The following GMIP variants were observed in gnomAD, a reference collection of about 807,000 sequenced individuals.
The protein encoded by GMIP is GEM-interacting protein.
GMIP carries 54 observed loss-of-function variants against 105.3 expected under a neutral mutation model. The observed-to-expected ratio is 0.51, with a 90% confidence interval of 0.41 to 0.64. The LOEUF (loss-of-function observed/expected upper bound fraction) is 0.64. Among genes scored for constraint, GMIP ranks in the 30% least tolerant of loss-of-function variants. The pLI is 0.00. For missense variants in GMIP, 1,110 were observed against 1,319.4 expected (o/e 0.84, Z 2.46); for synonymous variants, 541 against 560.8 (o/e 0.96, Z 0.50).
At position 19,638,009 on chromosome 19, in the gene GMIP, C is replaced by G; in HGVS notation, c.838G>C (p.Ala280Pro). 6.2e-7 allele frequency: 1 copy of G among 1,608,458 alleles called. No individual in the cohort carries two copies. Among genetic ancestry groups the G allele is most frequent in the Non-Finnish European group, 8.5e-7 (1 of 1,178,116 alleles). ...LYQACVREAN[A>P]RQQDLEIAKQ... ...GCGATCTCCAGGTCCTGCTGCCGCG[C>G]GTTGGCCTCGCGGACACAGGCCTGG... Residue 280 changes from alanine to proline, a missense_variant, in exon 10 of 21, where the codon GCG becomes CCG. Ala to Pro is a conservative substitution (Grantham distance 27). Transcript: ENST00000203556.
Position 19,634,842 on chromosome 19 carries a change from C to G in GMIP, c.1837G>C (p.Gly613Arg). 1.2e-6 allele frequency: 2 copies of G among 1,613,944 alleles called. No individual in the cohort carries two copies. The highest frequency in any genetic ancestry group is 2.2e-5 in the South Asian group (2 of 91,088). Residue 613 changes from glycine (G) to arginine (R), a missense_variant, in exon 17 of 21, where the codon GGG becomes CGG. Physicochemically the swap from Gly to Arg is moderately radical, Grantham distance 125. Transcript: ENST00000203556. This position sits in a 1 kb window ranked among gnomAD's most constrained non-coding sequence, Gnocchi z 6.1. Reference protein sequence around the residue: ...ENGRALVELSGNSPHDVSSVL... With the variant: ...ENGRALVELSRNSPHDVSSVL... ...CTCGAGACGTCATGAGGCGAGTTCC[C>G]CGACAGCTCCACCAACGCTCGGCCA...
rs530649796 is a variant in GMIP, at chr19:19,639,199, A to G, written c.538-717T>C. Among the ~76,000 whole-genome samples, 12 of 151,902 alleles carry G rather than the reference A, an allele frequency of 7.9e-5. No homozygotes were observed. The South Asian group carries it at 2.3e-3, about 29-fold the overall frequency. ...AATCCTCCACCCTCAGCCTCCTAGT[A>G]GCTAGCACTGCAGACATGTGCACCA... On this transcript the variant is annotated intron_variant, in intron 7 of 20. Transcript: ENST00000203556.
At chr19:19,636,222 G>GAAAGA (rs1329757301) in intron 13 of GMIP, among the ~76,000 whole-genome samples, 1 of 142,558 alleles carries the variant, frequency 7.0e-6, no homozygotes, top group African/African-American at 2.6e-5. Context: ...AAAAAAGAAA[G>GAAAGA]AAAGAAAAGA....
rs1466454290 is a variant in GMIP, at chr19:19,630,510, C to T, written c.2500G>A (p.Glu834Lys). The stretch of plus-strand genomic sequence containing the variant: ...TCTTTGGTGTCTTCAGCCACGTCCT[C>T]TCTCTGGTCACTCTGTGGAGTTGGA... ...EIPTPQSDQR[E>K]DVAEDTKDGG... The change falls in exon 20 of 21, where the codon GAG becomes AAG. Residue 834 changes from glutamate to lysine, a missense_variant. Glu to Lys is a moderately conservative substitution (Grantham distance 56). Transcript: ENST00000203556. The surrounding 1 kb of genome is among the most constrained non-coding windows in gnomAD (Gnocchi z 4.8). 1 of 1,614,146 alleles carries T rather than the reference C, an allele frequency of 6.2e-7. No homozygotes were observed. The highest frequency in any genetic ancestry group is 8.5e-7 in the Non-Finnish European group (1 of 1,179,984).
At chr19:19,642,982 T>C (rs2061939196) in intron 1 of GMIP, 2 of 214,380 alleles carry the variant, frequency 9.3e-6, no homozygotes, top group Non-Finnish European at 1.9e-5. Context: ...AGGCAGAGCC[T>C]GGGGCAGAAA....
At position 19,636,748 on chromosome 19, in the gene GMIP, C is replaced by T; in HGVS notation, c.1286G>A (p.Gly429Asp). The T allele has an allele frequency of 6.2e-7, 1 of 1,613,516 alleles. No homozygotes were observed. The highest frequency in any genetic ancestry group is 2.2e-5 in the East Asian group (1 of 44,856). The part of the protein sequence containing the change: ...PGSDVDSVGG[G>D]SESRSLDSPT... ...TGAGTCCAGGGACCGAGACTCGCTG[C>T]CGCCACCCACGCTGTCCACATCGCT... Residue 429 changes from glycine (G) to aspartate (D), a missense_variant, in exon 13 of 21, where the codon GGC (glycine) becomes GAC (aspartate). By Grantham distance (94) the Gly-to-Asp change is moderately conservative. Transcript: ENST00000203556.
Position 19,634,053 on chromosome 19 carries a change from T to C in GMIP, c.2222A>G (p.His741Arg). Residue 741 changes from histidine to arginine, a missense_variant, in exon 19 of 21, where the codon CAT becomes CGT. Physicochemically the swap from His to Arg is conservative, Grantham distance 29 (BLOSUM62 0). This residue lies in a region of GMIP where 394 missense variants were observed against 450.5 expected (regional missense o/e 0.87). Coordinates refer to ENST00000203556, the MANE Select transcript of GMIP (RefSeq NM_016573.4). The surrounding 1 kb of genome is among the most constrained non-coding windows in gnomAD (Gnocchi z 6.1). ...GAGGAACTCCACAAGCTGGGCCTGATGCCCAGAGTCCAGCAGGCAGGTGAC... is the reference window on the plus strand; with the variant it reads ...GAGGAACTCCACAAGCTGGGCCTGACGCCCAGAGTCCAGCAGGCAGGTGAC... ...IPVTCLLDSG[H>R]QAQLVEFLIV... 6.2e-7 allele frequency: 1 copy of C among 1,613,574 alleles called. No homozygotes were observed. The highest frequency in any genetic ancestry group is 8.5e-7 in the Non-Finnish European group (1 of 1,179,850).
rs2061773980 is a variant in GMIP, at chr19:19,629,903, GGGAT to G, written c.*56_*59del. 5 of 1,507,806 alleles carry G rather than the reference GGGAT, an allele frequency of 3.3e-6. No individual in the cohort carries two copies. The highest frequency in any genetic ancestry group is 2.0e-5 in the Admixed American group (1 of 50,068). 93.4% of individuals were successfully genotyped at this position (1,507,806 alleles called of 1,614,324 possible). A position where few individuals can be genotyped will look rare whatever the true frequency, so the allele number is the denominator to read the frequency against. On this transcript the variant is annotated 3_prime_UTR_variant, in exon 21 of 21. Coordinates refer to ENST00000203556, the MANE Select transcript of GMIP (RefSeq NM_016573.4). The stretch of plus-strand genomic sequence containing the variant: ...TTTGGCCACTAGGTGGTGGGAGGTA[GGGAT>G]ATATGGGTCCGTCTTCACAATCTGG...
chr19:19,642,752 T>G, intron 1 of GMIP, 133 bp from the exon 2 acceptor site: 1 of 509,260 alleles, frequency 2.0e-6, no homozygotes, highest in Non-Finnish European at 3.6e-6. Flanking sequence ...TGGGGGGGGC[T>G]TGGTTGGGGC....
rs576930168 is a variant in GMIP at position 19,642,611 on chromosome 19, G to A, written c.28C>T (p.Pro10Ser). 6.3e-7 allele frequency: 1 copy of A among 1,591,202 alleles called. No individual in the cohort carries two copies. The highest frequency in any genetic ancestry group is 8.6e-7 in the Non-Finnish European group (1 of 1,160,308). Residue 10 changes from proline (P) to serine (S), a missense_variant, in exon 2 of 21, where the codon CCA becomes TCA. Pro to Ser is a moderately conservative substitution (Grantham distance 74, BLOSUM62 -1). Around this residue, in one of 3 missense-constraint regions of GMIP, gnomAD observed 667 missense variants for 773.2 expected, o/e 0.86. Transcript: ENST00000203556. MDAAEPGLP[P>S]GPEGRKRYSD... ...TACCTCTTCCTGCCCTCAGGACCTG[G>A]GGGGAGTCCTAGGGGAGGGGAGTGT...
Position 19,637,667 on chromosome 19 carries a change from G to C in GMIP, c.928-106C>G. The C allele has an allele frequency of 1.0e-6, 1 of 994,788 alleles. No homozygotes were observed. The highest frequency in any genetic ancestry group is 1.7e-5 in the South Asian group (1 of 58,342). The allele number at this position is 994,788 out of a possible 1,614,324, so 61.6% of individuals were successfully genotyped here. On this transcript the variant is annotated intron_variant, in intron 10 of 20. Coordinates refer to ENST00000203556, the MANE Select transcript of GMIP (RefSeq NM_016573.4). This position sits in a 1 kb window ranked among gnomAD's most constrained non-coding sequence, Gnocchi z 6.7. ...GAGACGCGAACGTGGTCAGGGTTTG[G>C]GACGCACCTGGGCGGCTTAGGAACT... is the stretch of plus-strand genomic sequence containing the variant.
chr19:19,634,211 A>T lies in GMIP; in HGVS notation c.2085-21T>A, dbSNP rs2061826655. 1 of 1,568,974 alleles carries T rather than the reference A, an allele frequency of 6.4e-7. No individual in the cohort carries two copies. Reference sequence around the variant, plus strand: ...CCACCCTGGGGATGGTGTGAAGAGAAAGGTCAGGGTACAGGATGCAAGCTC... The same window carrying T: ...CCACCCTGGGGATGGTGTGAAGAGATAGGTCAGGGTACAGGATGCAAGCTC... On this transcript the variant is annotated intron_variant, in intron 18 of 20. Transcript: ENST00000203556. The surrounding 1 kb of genome is among the most constrained non-coding windows in gnomAD (Gnocchi z 6.1).
rs1465145523 is a variant in GMIP, at chr19:19,630,231, T to C, written c.2645A>G (p.His882Arg). ...YPRGGVRPVTHQLSSLALVAS... is the reference protein window; with the variant it reads ...YPRGGVRPVTRQLSSLALVAS... ...CACCAGGGCCAGACTGGACAGCTGGTGGGTTACAGGCCTCACACCGCCCCG... is the reference window on the plus strand; with the variant it reads ...CACCAGGGCCAGACTGGACAGCTGGCGGGTTACAGGCCTCACACCGCCCCG... The change falls in exon 21 of 21, where the codon CAC (histidine) becomes CGC (arginine). Residue 882 changes from histidine (H) to arginine (R), a missense_variant. Coordinates refer to ENST00000203556, the MANE Select transcript of GMIP (RefSeq NM_016573.4). The surrounding 1 kb of genome is among the most constrained non-coding windows in gnomAD (Gnocchi z 4.8). 6.3e-7 allele frequency: 1 copy of C among 1,589,806 alleles called. No individual in the cohort carries two copies. Among genetic ancestry groups the C allele is most frequent in the South Asian group, 1.1e-5 (1 of 88,522 alleles).
rs1010445806 is a variant in GMIP at position 19,643,418 on chromosome 19, G to A, written c.19+93C>T. The A allele has an allele frequency of 4.2e-6, 5 of 1,200,362 alleles. No individual in the cohort carries two copies. In the Admixed American group the frequency reaches 8.4e-5, roughly 20 times the overall value. 74.4% of individuals were successfully genotyped at this position (1,200,362 alleles called of 1,614,324 possible). A position where few individuals can be genotyped will look rare whatever the true frequency, so the allele number is the denominator to read the frequency against. ...CTTCCCATTCAGGAACTCCTCTCCT[G>A]GCTCTCAGGACGGAGCGGGACAAGT... On this transcript the variant is annotated intron_variant, in intron 1 of 20. Transcript: ENST00000203556.
In GMIP at chr19:19,634,016, G is replaced by A. The variant is rs373163906; in HGVS notation, c.2259C>T (p.Tyr753=). Residue 753 remains tyrosine (Y), a synonymous_variant, in exon 19 of 21, where the codon TAC becomes TAT. Coordinates refer to ENST00000203556, the MANE Select transcript of GMIP (RefSeq NM_016573.4). This position sits in a 1 kb window ranked among gnomAD's most constrained non-coding sequence, Gnocchi z 6.1. ...GCTCATCCATCCCAAAGATCTGCTC[G>A]TAGTGCACGATGAGGAACTCCACAA... ...AQLVEFLIVH[Y]EQIFGMDELP... 24 of 1,612,608 alleles carry A rather than the reference G, an allele frequency of 1.5e-5. No homozygotes were observed. The highest frequency in any genetic ancestry group is 4.5e-5 in the East Asian group (2 of 44,858).
At chr19:19,640,617 A>C (rs1225225412) in intron 4 of GMIP, 46 bp from the exon 5 acceptor site, 1 of 1,608,652 alleles carries the variant, frequency 6.2e-7, no homozygotes, top group East Asian at 2.2e-5. Flanking sequence ...CTAGTCTGCT[A>C]TGGATGTCTT....
rs1341478234 is a variant in GMIP at position 19,634,805 on chromosome 19, C to T, written c.1874G>A (p.Arg625Gln). 5.6e-6 allele frequency: 9 copies of T among 1,613,690 alleles called. No homozygotes were observed. Among genetic ancestry groups the T allele is most frequent in the Admixed American group, 1.7e-5 (1 of 60,004 alleles). The change falls in exon 17 of 21, where the codon CGA becomes CAA. Residue 625 changes from arginine (R) to glutamine (Q), a missense_variant. By Grantham distance (43) the Arg-to-Gln change is conservative. Around this residue, in one of 3 missense-constraint regions of GMIP, gnomAD observed 49 missense variants for 95.6 expected, o/e 0.51. Transcript: ENST00000203556. This position sits in a 1 kb window ranked among gnomAD's most constrained non-coding sequence, Gnocchi z 6.1. The stretch of plus-strand genomic sequence containing the variant: ...CTGAGCACCAACCTCCTGAAGAAAT[C>T]GCTTGAGGACACTCGAGACGTCATG... ...SPHDVSSVLK[R>Q]FLQELTEPVI...
In GMIP at chr19:19,635,738, C is replaced by A. The variant is rs2061847493; in HGVS notation, c.1328-17G>T. The A allele has an allele frequency of 6.2e-7, 1 of 1,610,566 alleles. No individual in the cohort carries two copies. The highest frequency in any genetic ancestry group is 1.7e-5 in the Admixed American group (1 of 60,000). Reference sequence around the variant, plus strand: ...TGCCAGCGCCTGGGGTCAGAGGAATCATGGGAGATTCCTGGGCTATGGGAG... The same window carrying A: ...TGCCAGCGCCTGGGGTCAGAGGAATAATGGGAGATTCCTGGGCTATGGGAG... On this transcript the variant is annotated splice_polypyrimidine_tract_variant and intron_variant, in intron 13 of 20. Transcript: ENST00000203556. This position sits in a 1 kb window ranked among gnomAD's most constrained non-coding sequence, Gnocchi z 4.7.
chr19:19,634,725 C>T lies in GMIP; in HGVS notation c.1888-22G>A. The T allele has an allele frequency of 6.2e-7, 1 of 1,608,778 alleles. No individual in the cohort carries two copies. The highest frequency in any genetic ancestry group is 2.2e-5 in the East Asian group (1 of 44,750). On this transcript the variant is annotated intron_variant, in intron 17 of 20. Coordinates refer to ENST00000203556, the MANE Select transcript of GMIP (RefSeq NM_016573.4). The surrounding 1 kb of genome is among the most constrained non-coding windows in gnomAD (Gnocchi z 6.1). The stretch of plus-strand genomic sequence containing the variant: ...TGAGCTGGGGGTGGAACGGAGGGCG[C>T]AACACGAGTGTGGGTGGGCTGTGGA...
Sources: gnomAD v4.1 joint callset for allele counts (sites outside exome capture counted in the v4.1 genomes callset) on GRCh38, gnomAD v4.1.1 for gene constraint, gnomAD v4.1.1 regional missense constraint, Gnocchi (gnomAD v3.1) non-coding constraint, MANE v1.5 for transcripts, NCBI Gene and HGNC (gene_info 2026-07-23, HGNC 2026-07-21) for gene names.